Variants in NIT1 observed in about 807,000 individuals in gnomAD.
NIT1 encodes the protein nitrilase 1.
Under a neutral mutation model 36.8 loss-of-function variants are expected in NIT1, and 30 were observed. The observed-to-expected ratio is 0.82, with a 90% CI of 0.61 to 1.11. NIT1 has a LOEUF of 1.11. Ranked by LOEUF, NIT1 falls within the 50% of genes least tolerant of loss-of-function variation. NIT1 has a pLI of 0.00. For synonymous variants in NIT1, 151 were observed against 155.6 expected (o/e 0.97, Z 0.22); for missense variants, 438 against 410.6 (o/e 1.07, Z -0.58).
chr1:161,118,229 CTTT>C, intron 1 of NIT1, 51 bp downstream of exon 1: 4 of 1,613,878 alleles, frequency 2.5e-6, no homozygotes, highest in Non-Finnish European at 3.4e-6. Flanking sequence ...ACCTGCGGTG[CTTT>C]AACTTGTGTA....
downstream of NIT1, among the ~76,000 whole-genome samples, chr1:161,123,584 C>G (rs1180977310): frequency 2.7e-5 from 4 of 149,430 alleles, no homozygotes; most frequent in African/African-American, 9.9e-5. Flanking sequence ...TGCAGTGAAC[C>G]GAGATTGCGC....
rs1655446491 is a variant in NIT1 at position 161,121,113 on chromosome 1, G to A, written c.*348G>A. 2 of 1,128,850 alleles carry A rather than the reference G, an allele frequency of 1.8e-6. No homozygotes were observed. The highest frequency in any genetic ancestry group is 2.2e-6 in the Non-Finnish European group (2 of 914,488). 69.9% of individuals were successfully genotyped at this position (1,128,850 alleles called of 1,614,324 possible). A position where few individuals can be genotyped will look rare whatever the true frequency, so the allele number is the denominator to read the frequency against. ...GGGAACTAGAAGGGGAGTTGGTATT[G>A]TACCAGCTGGACTAAGCTCCAGTTC... On this transcript the variant is annotated 3_prime_UTR_variant, in exon 7 of 7. Transcript: ENST00000368009.
chr1:161,124,194 C>T (rs777202526), downstream of NIT1: 10 of 1,614,216 alleles, frequency 6.2e-6, no homozygotes, highest in Admixed American at 1.7e-5. Context: ...AGTGATGATG[C>T]GCAGCAGCTG....
Position 161,119,263 on chromosome 1 carries a change from ACTGGGTGC to A in NIT1, c.232_239del (p.Gly78ProfsTer6). On this transcript the variant is annotated frameshift_variant, in exon 3 of 7. Coordinates refer to ENST00000368009, the MANE Select transcript of NIT1 (RefSeq NM_005600.3). LOFTEE classifies it high-confidence loss of function. ...CTGAGCTGGTTCGAGAGGCTGCCAG[ACTGGGTGC>A]CTGCCTGGCTTTCCTGCCTGAGGCA... 6.2e-7 allele frequency: 1 copy of A among 1,614,210 alleles called. No homozygotes were observed. The highest frequency in any genetic ancestry group is 8.5e-7 in the Non-Finnish European group (1 of 1,180,030).
At chr1:161,120,285 C>T (rs200168683) in intron 6 of NIT1, 53 bp downstream of exon 6, 11 of 1,598,292 alleles carry the variant, frequency 6.9e-6, no homozygotes, top group Non-Finnish European at 9.4e-6. Flanking sequence ...CTCATCTTCC[C>T]CCCTTGGCCC....
intron 1 of NIT1, 26 bp from the exon 2 acceptor site, chr1:161,118,760 G>C: frequency 6.4e-7 from 1 of 1,551,776 alleles, no homozygotes; most frequent in Non-Finnish European, 8.9e-7. Flanking sequence ...GAAGGGGTTG[G>C]TGTCCTCATA....
In NIT1 at chr1:161,118,857, T is replaced by C; in HGVS notation, c.74T>C (p.Leu25Pro). 1 of 1,613,920 alleles carries C rather than the reference T, an allele frequency of 6.2e-7. No homozygotes were observed. Among genetic ancestry groups the C allele is most frequent in the Non-Finnish European group, 8.5e-7 (1 of 1,179,804 alleles). Reference sequence around the variant, plus strand: ...TGTCCTGGACTCCGGATACCTCAACTCTCAGTACTTTGTGCTCAGCCCAGG... The same window carrying C: ...TGTCCTGGACTCCGGATACCTCAACCCTCAGTACTTTGTGCTCAGCCCAGG... Reference protein sequence around the residue: ...LLCPGLRIPQLSVLCAQPRPR... With the variant: ...LLCPGLRIPQPSVLCAQPRPR... Residue 25 changes from leucine (L) to proline (P), a missense_variant, in exon 2 of 7, where the codon CTC (leucine) becomes CCC (proline). Transcript: ENST00000368009.
intron 1 of NIT1, 43 bp downstream of exon 1, chr1:161,118,221 C>G (rs367651212): frequency 1.2e-6 from 2 of 1,614,014 alleles, no homozygotes; most frequent in African/African-American, 2.7e-5. Context: ...TGAATCCCAC[C>G]TGCGGTGCTT....
intron 1 of NIT1, 37 bp from the exon 2 acceptor site, chr1:161,118,749 A>C: frequency 1.3e-6 from 2 of 1,530,056 alleles, no homozygotes; most frequent in Non-Finnish European, 9.1e-7. Context: ...TATTGCTTGA[A>C]GAAGGGGTTG....
At chr1:161,122,627 A>T, downstream of NIT1, 1 of 1,400,418 alleles carries the variant, frequency 7.1e-7, no homozygotes, top group Non-Finnish European at 9.7e-7. The surrounding 1 kb of genome is among the most constrained non-coding windows in gnomAD (Gnocchi z 4.2). Context: ...AAAGTAGGGA[A>T]TATCACCTGA....
chr1:161,122,885 G>C (rs1263957159), downstream of NIT1: 7 of 1,035,426 alleles, frequency 6.8e-6, no homozygotes, highest in East Asian at 1.7e-4. The surrounding 1 kb of genome is among the most constrained non-coding windows in gnomAD (Gnocchi z 4.2). Flanking sequence ...TAACTAACAA[G>C]AGTTGAAATG....
rs761799763 is a variant in NIT1 at position 161,119,202 on chromosome 1, C to G, written c.167C>G (p.Ser56Trp). 4.3e-6 allele frequency: 7 copies of G among 1,614,188 alleles called. No individual in the cohort carries two copies. The Admixed American group carries it at 6.7e-5, about 15-fold the overall frequency. Residue 56 changes from serine to tryptophan, a missense_variant, in exon 3 of 7, where the codon TCG (serine) becomes TGG (tryptophan). Coordinates refer to ENST00000368009, the MANE Select transcript of NIT1 (RefSeq NM_005600.3). ...CTGGTGGCTGTGTGCCAGGTAACAT[C>G]GACGCCAGACAAGCAACAGAACTTT... ...LPLVAVCQVT[S>W]TPDKQQNFKT...
intron 2 of NIT1, 107 bp from the exon 3 acceptor site, chr1:161,119,027 T>C: frequency 6.9e-7 from 1 of 1,454,482 alleles, no homozygotes; most frequent in Non-Finnish European, 9.6e-7. Context: ...TGTAAGAGCA[T>C]GATCAAAAGG....
At chr1:161,124,003 C>G (rs1655869611), downstream of NIT1, 4 of 1,596,474 alleles carry the variant, frequency 2.5e-6, no homozygotes, top group South Asian at 4.5e-5. Flanking sequence ...TCTGTCAGTC[C>G]AAACCCCCAG....
chr1:161,121,542 AAAGG>A (rs1241828050), downstream of NIT1: 1 of 154,240 alleles, frequency 6.5e-6, no homozygotes, highest in Non-Finnish European at 1.4e-5. Context: ...CAAATGGGAA[AAAGG>A]AAGGAGCCAC....
At position 161,121,142 on chromosome 1, in the gene NIT1, ACCT is replaced by A. The variant is rs1655448734; in HGVS notation, c.*381_*383del. The A allele has an allele frequency of 2.8e-6, 3 of 1,074,950 alleles. No individual in the cohort carries two copies. The highest frequency in any genetic ancestry group is 3.4e-6 in the Non-Finnish European group (3 of 883,048). The allele number at this position is 1,074,950 out of a possible 1,614,324, so 66.6% of individuals were successfully genotyped here. ...CAGCTGGACTAAGCTCCAGTTCTAGACCTCCTGGCTCATTCAACATGCCTCCCT... is the reference window on the plus strand; with the variant it reads ...CAGCTGGACTAAGCTCCAGTTCTAGACCTGGCTCATTCAACATGCCTCCCT... On this transcript the variant is annotated 3_prime_UTR_variant, in exon 7 of 7. Transcript: ENST00000368009.
Position 161,119,282 on chromosome 1 carries a change from T to G in NIT1, c.247T>G (p.Phe83Val), listed in dbSNP as rs780113098. 2.5e-6 allele frequency: 4 copies of G among 1,614,108 alleles called. No homozygotes were observed. Among genetic ancestry groups the G allele is most frequent in the Non-Finnish European group, 3.4e-6 (4 of 1,180,034 alleles). Reference protein sequence around the residue: ...EAARLGACLAFLPEAFDFIAR... With the variant: ...EAARLGACLAVLPEAFDFIAR... ...TGCCAGACTGGGTGCCTGCCTGGCT[T>G]TCCTGCCTGAGGCATTTGACTTCAT... is the stretch of plus-strand genomic sequence containing the variant. Residue 83 changes from phenylalanine (F) to valine (V), a missense_variant, in exon 3 of 7, where the codon TTC becomes GTC. Coordinates refer to ENST00000368009, the MANE Select transcript of NIT1 (RefSeq NM_005600.3).
chr1:161,124,498 C>T (rs775583251), downstream of NIT1: 2 of 1,570,710 alleles, frequency 1.3e-6, no homozygotes, highest in South Asian at 2.4e-5. Flanking sequence ...TTCCAGAATC[C>T]CTGCTCAGCA....
Position 161,120,846 on chromosome 1 carries a change from C to T in NIT1, c.*81C>T. ...AGCTAGTGCTCATGTGACTTGGAGGCAGGATCCAGGCACAGCTCCCCTCAC... is the reference window on the plus strand; with the variant it reads ...AGCTAGTGCTCATGTGACTTGGAGGTAGGATCCAGGCACAGCTCCCCTCAC... On this transcript the variant is annotated 3_prime_UTR_variant, in exon 7 of 7. Transcript: ENST00000368009. 4 of 1,533,286 alleles carry T rather than the reference C, an allele frequency of 2.6e-6. No individual in the cohort carries two copies. The highest frequency in any genetic ancestry group is 1.3e-5 in the South Asian group (1 of 79,720). The allele number at this position is 1,533,286 out of a possible 1,614,324, so 95.0% of individuals were successfully genotyped here.
Sources: allele counts gnomAD v4.1 joint callset (sites outside exome capture counted in the v4.1 genomes callset), GRCh38; gene constraint gnomAD v4.1.1; non-coding constraint Gnocchi (gnomAD v3.1); transcripts MANE v1.5; gene names NCBI Gene and HGNC (gene_info 2026-07-23, HGNC 2026-07-21).